The following ARHGAP15 variants were observed in gnomAD, a reference collection of about 807,000 sequenced individuals.
ARHGAP15 encodes rho GTPase-activating protein 15.
Under a neutral mutation model 63.7 loss-of-function variants are expected in ARHGAP15, and 51 were observed. The ratio of observed to expected loss-of-function variants is 0.80; its 90% confidence interval spans 0.64 to 1.01. ARHGAP15 has a LOEUF of 1.01. Among genes scored for constraint, ARHGAP15 ranks in the 50% least tolerant of loss-of-function variants. The pLI is 0.00. For synonymous variants in ARHGAP15, 191 were observed against 193.8 expected (o/e 0.99, Z 0.12); for missense variants, 560 against 564.6 (o/e 0.99, Z 0.08).
intron 3 of ARHGAP15, 51 bp downstream of exon 3, chr2:143,202,253 C>T: frequency 2.7e-6 from 4 of 1,465,694 alleles, no homozygotes; most frequent in Non-Finnish European, 3.8e-6. Flanking sequence ...AAATAAATTG[C>T]CACAAAACTC....
chr2:143,543,019 C>A (rs1695172022), intron 10 of ARHGAP15, among the ~76,000 whole-genome samples: 1 of 151,228 alleles, frequency 6.6e-6, no homozygotes, highest in Admixed American at 6.6e-5. Flanking sequence ...ATGCAGATAT[C>A]TTTTTGATAT....
At chr2:143,484,829 A>G (rs187491664) in intron 8 of ARHGAP15, among the ~76,000 whole-genome samples, 2 of 152,358 alleles carry the variant, frequency 1.3e-5, no homozygotes, top group East Asian at 1.9e-4. Context: ...CAAGTGTTCA[A>G]TAGCCCCAAG....
chr2:143,292,088 T>G (rs1682429749), intron 6 of ARHGAP15, among the ~76,000 whole-genome samples: 1 of 141,728 alleles, frequency 7.1e-6, no homozygotes, highest in Admixed American at 7.3e-5. Flanking sequence ...TTAATAACAA[T>G]GAGTATAAAT....
At chr2:143,531,127 C>CGTGCGTGTGCGTGTGTGTGCGT (rs58887426) in intron 10 of ARHGAP15, among the ~76,000 whole-genome samples, 13 of 151,762 alleles carry the variant, frequency 8.6e-5, no homozygotes, top group Admixed American at 8.5e-4. Context: ...TGTGTGTGCG[C>CGTGCGTGTGCGTGTGTGTGCGT]GCATGTGTGT....
At chr2:143,309,467 A>C (rs1416300033) in intron 6 of ARHGAP15, among the ~76,000 whole-genome samples, 1 of 152,102 alleles carries the variant, frequency 6.6e-6, no homozygotes, top group Non-Finnish European at 1.5e-5. Context: ...TAAATGAAGA[A>C]ATGGTACTAT....
intron 10 of ARHGAP15, among the ~76,000 whole-genome samples, chr2:143,545,749 A>G (rs10084340): frequency 0.31 from 47,733 of 151,544 alleles, 8,057 homozygotes; most frequent in East Asian, 0.42. Flanking sequence ...CACAATTGGG[A>G]TTTTTTTTTC....
chr2:143,140,996 G>T (rs1205656731), intron 1 of ARHGAP15, among the ~76,000 whole-genome samples: 1 of 152,144 alleles, frequency 6.6e-6, no homozygotes, highest in Non-Finnish European at 1.5e-5. Context: ...AAACCAGCTT[G>T]ACAAAAAACC....
intron 9 of ARHGAP15, among the ~76,000 whole-genome samples, chr2:143,518,661 G>A (rs1269134036): frequency 1.3e-5 from 2 of 152,150 alleles, no homozygotes; most frequent in Admixed American, 6.6e-5. Flanking sequence ...TGTGTCACAG[G>A]AGACACAAAG....
chr2:143,159,342 C>T (rs1187396767), intron 2 of ARHGAP15, among the ~76,000 whole-genome samples: 1 of 151,878 alleles, frequency 6.6e-6, no homozygotes, highest in South Asian at 2.1e-4. Flanking sequence ...AAAAGGCAGA[C>T]ATAAAAATTG....
Position 143,447,881 on chromosome 2 carries a change from C to T in ARHGAP15, c.703+10839C>T, listed in dbSNP as rs550684876. Among the ~76,000 whole-genome samples the T allele has an allele frequency of 1.4e-3, 220 of 152,174 alleles. 2 individuals carry two copies. The highest frequency in any genetic ancestry group is 5.2e-3 in the African/African-American group (216 of 41,522). On this transcript the variant is annotated intron_variant, in intron 8 of 13. Transcript: ENST00000295095. ...GAAAGGCTGAACTGTGAGGCACTGT[C>T]CTGTTGATGGGTGTTTTGGTTTGGG...
At chr2:143,416,429 C>T (rs1293854953) in intron 6 of ARHGAP15, among the ~76,000 whole-genome samples, 1 of 152,150 alleles carries the variant, frequency 6.6e-6, no homozygotes, top group East Asian at 1.9e-4. Context: ...GAGTTTCTGT[C>T]CTCATAGAGT....
intron 11 of ARHGAP15, among the ~76,000 whole-genome samples, chr2:143,558,652 T>C (rs1197318625): frequency 6.6e-6 from 1 of 152,224 alleles, no homozygotes; most frequent in African/African-American, 2.4e-5. Flanking sequence ...TCTTTTCCCA[T>C]TAACCAGTTC....
chr2:143,415,712 G>T (rs1473705061), intron 6 of ARHGAP15, among the ~76,000 whole-genome samples: 1 of 152,154 alleles, frequency 6.6e-6, no homozygotes, highest in Non-Finnish European at 1.5e-5. Flanking sequence ...TTGCAAAAAT[G>T]TGGAACCAAA....
intron 6 of ARHGAP15, among the ~76,000 whole-genome samples, chr2:143,373,664 A>C (rs1277397721): frequency 6.7e-6 from 1 of 149,294 alleles, no homozygotes; most frequent in Non-Finnish European, 1.5e-5. Context: ...AAAAAAACAC[A>C]GAAATGTCTC....
At chr2:143,724,764 A>G (rs990327016) in intron 13 of ARHGAP15, among the ~76,000 whole-genome samples, 1 of 152,250 alleles carries the variant, frequency 6.6e-6, no homozygotes, top group Non-Finnish European at 1.5e-5. Context: ...ACTTTCGGAC[A>G]AGCATAGTAA....
chr2:143,684,305 A>G (rs1559124627), intron 12 of ARHGAP15, among the ~76,000 whole-genome samples: 2 of 152,202 alleles, frequency 1.3e-5, no homozygotes, highest in African/African-American at 4.8e-5. Context: ...GGAGAAATCA[A>G]AGGACATCCT....
chr2:143,439,060 C>T (rs1334647162), intron 8 of ARHGAP15, among the ~76,000 whole-genome samples: 1 of 152,090 alleles, frequency 6.6e-6, no homozygotes, highest in African/African-American at 2.4e-5. Flanking sequence ...CACTACTTCT[C>T]TTTAGAATCT....
intron 13 of ARHGAP15, among the ~76,000 whole-genome samples, chr2:143,746,206 T>A (rs1389801599): frequency 1.3e-5 from 2 of 152,208 alleles, no homozygotes; most frequent in African/African-American, 4.8e-5. Context: ...TTTTGATACC[T>A]TAACCTAAAG....
At chr2:143,617,352 C>T (rs1483370221) in intron 11 of ARHGAP15, among the ~76,000 whole-genome samples, 1 of 152,122 alleles carries the variant, frequency 6.6e-6, no homozygotes, top group Non-Finnish European at 1.5e-5. Context: ...ACTAAAGTAC[C>T]ACAGACTGGG....
Sources: allele counts gnomAD v4.1 joint callset (sites outside exome capture counted in the v4.1 genomes callset), GRCh38; gene constraint gnomAD v4.1.1; transcripts MANE v1.5; gene names NCBI Gene and HGNC (gene_info 2026-07-23, HGNC 2026-07-21).